Variants in IL1RAPL2 observed in about 807,000 individuals in gnomAD.
The protein encoded by IL1RAPL2 is X-linked interleukin-1 receptor accessory protein-like 2.
Under a neutral mutation model 44.1 loss-of-function variants are expected in IL1RAPL2, and 3 were observed. The ratio of observed to expected loss-of-function variants is 0.07; its 90% CI spans 0.03 to 0.18. The LOEUF is 0.18. IL1RAPL2 is among the 10% of genes least tolerant of loss of function. IL1RAPL2 has a pLI of 1.00. For synonymous variants in IL1RAPL2, 181 were observed against 178.8 expected, an observed-to-expected ratio of 1.01 and a Z score of -0.10; for missense variants, 391 against 496.4, an observed-to-expected ratio of 0.79 and a Z score of 2.02.
chrX:105,161,237 A>AATC (rs2033321916), intron 2 of IL1RAPL2, among the ~76,000 whole-genome samples: 1 of 109,048 alleles, frequency 9.2e-6, no homozygotes, highest in East Asian at 2.9e-4. Flanking sequence ...TAATAATAAT[A>AATC]ATAATAATTG....
At chrX:105,579,769 A>G (rs1320686593) in intron 6 of IL1RAPL2, among the ~76,000 whole-genome samples, 1 of 111,914 alleles carries the variant, frequency 8.9e-6, no homozygotes, top group African/African-American at 3.2e-5. Context: ...TTCTGGCTCT[A>G]TATAATACCA....
intron 2 of IL1RAPL2, among the ~76,000 whole-genome samples, chrX:105,026,792 C>A (rs1217228987): frequency 9.1e-6 from 1 of 109,795 alleles, no homozygotes; most frequent in Non-Finnish European, 1.9e-5. Flanking sequence ...TAAATGCAAC[C>A]CCTATAAAAA....
intron 2 of IL1RAPL2, among the ~76,000 whole-genome samples, chrX:104,757,137 CAGTT>C (rs917461736): frequency 9.0e-6 from 1 of 111,558 alleles, no homozygotes; most frequent in African/African-American, 3.3e-5. Context: ...GCAGAGAGAA[CAGTT>C]AGGAGGCTAC....
intron 5 of IL1RAPL2, among the ~76,000 whole-genome samples, chrX:105,363,109 T>C (rs2147712585): frequency 9.4e-6 from 1 of 106,877 alleles, no homozygotes; most frequent in East Asian, 2.9e-4. Flanking sequence ...AGTGAGGGCA[T>C]GCAGTATTTG....
At chrX:104,910,631 C>A (rs1189371173) in intron 2 of IL1RAPL2, among the ~76,000 whole-genome samples, 1 of 111,538 alleles carries the variant, frequency 9.0e-6, no homozygotes, top group Non-Finnish European at 1.9e-5. Context: ...ATGGTCAGTA[C>A]AGCAAACTTG....
At chrX:104,922,130 C>CT (rs1156562266) in intron 2 of IL1RAPL2, among the ~76,000 whole-genome samples, 1 of 112,207 alleles carries the variant, frequency 8.9e-6, no homozygotes, top group African/African-American at 3.2e-5. Context: ...CTCCAGCCAC[C>CT]TTGGTGGTAG....
chrX:104,907,166 T>C (rs1274484179), intron 2 of IL1RAPL2, among the ~76,000 whole-genome samples: 1 of 111,767 alleles, frequency 8.9e-6, no homozygotes, highest in African/African-American at 3.3e-5. Flanking sequence ...TATCATTTTT[T>C]ATTGCATCTA....
chrX:105,656,712 C>T (rs2037680011), intron 6 of IL1RAPL2, among the ~76,000 whole-genome samples: 1 of 111,541 alleles, frequency 9.0e-6, no homozygotes. Context: ...ATCTTTTGCT[C>T]GAGAGGTCTT....
chrX:105,665,216 T>A (rs2037750200), intron 6 of IL1RAPL2, among the ~76,000 whole-genome samples: 1 of 111,462 alleles, frequency 9.0e-6, no homozygotes, highest in South Asian at 3.8e-4. Context: ...CCAACTGTAG[T>A]TGATAATCAG....
chrX:104,676,805 ATTC>A (rs2147535984), intron 2 of IL1RAPL2, among the ~76,000 whole-genome samples: 1 of 111,107 alleles, frequency 9.0e-6, no homozygotes, highest in African/African-American at 3.3e-5. Flanking sequence ...ATTTCTTTTT[ATTC>A]TTTTTTCTCT....
intron 5 of IL1RAPL2, among the ~76,000 whole-genome samples, chrX:105,362,539 C>T (rs1398099378): frequency 9.0e-6 from 1 of 110,666 alleles, no homozygotes; most frequent in Non-Finnish European, 1.9e-5. Context: ...CCAAAGACTA[C>T]AGGTTCTATC....
chrX:104,704,170 G>T (rs1467679790), intron 2 of IL1RAPL2, among the ~76,000 whole-genome samples: 1 of 111,803 alleles, frequency 8.9e-6, no homozygotes, highest in Non-Finnish European at 1.9e-5. Flanking sequence ...TGTTTTCTCT[G>T]TTATATTTTC....
chrX:104,999,280 A>T (rs1042632582), intron 2 of IL1RAPL2, among the ~76,000 whole-genome samples: 1 of 111,711 alleles, frequency 9.0e-6, no homozygotes, highest in East Asian at 2.9e-4. Context: ...TACTATGTGT[A>T]CGTGGAGTGG....
chrX:105,594,600 A>G (rs751697525), intron 6 of IL1RAPL2, among the ~76,000 whole-genome samples: 61 of 111,672 alleles, frequency 5.5e-4, no homozygotes, highest in Non-Finnish European at 7.9e-4. Flanking sequence ...ATTCCTATAA[A>G]TGAAATATAG....
At chrX:105,179,753 T>C (rs1556129507) in intron 2 of IL1RAPL2, among the ~76,000 whole-genome samples, 2 of 107,697 alleles carry the variant, frequency 1.9e-5, no homozygotes, top group Non-Finnish European at 1.9e-5. Flanking sequence ...TTTGTAAATA[T>C]AGTGAGTGGG....
At chrX:105,273,823 T>A (rs1370939590) in intron 5 of IL1RAPL2, among the ~76,000 whole-genome samples, 1 of 111,782 alleles carries the variant, frequency 8.9e-6, no homozygotes, top group Non-Finnish European at 1.9e-5. Context: ...GTGAGTTGAT[T>A]TTTCAGCAAA....
intron 2 of IL1RAPL2, among the ~76,000 whole-genome samples, chrX:105,040,468 C>T (rs1232544658): frequency 9.0e-6 from 1 of 111,395 alleles, no homozygotes; most frequent in Non-Finnish European, 1.9e-5. Flanking sequence ...ACCAGTTCCT[C>T]CTTGTATCTC....
At chrX:104,969,115 T>C (rs747637171) in intron 2 of IL1RAPL2, among the ~76,000 whole-genome samples, 2 of 109,871 alleles carry the variant, frequency 1.8e-5, no homozygotes, top group African/African-American at 3.3e-5. Context: ...ACATGGCTTA[T>C]CAGCTATCAA....
chrX:105,257,705 A>G (rs1019007945), intron 4 of IL1RAPL2, among the ~76,000 whole-genome samples: 2 of 111,906 alleles, frequency 1.8e-5, no homozygotes, highest in Non-Finnish European at 3.8e-5. Context: ...CTATATTTTA[A>G]TCTTTGTTGG....
Sources: gnomAD v4.1 joint callset for allele counts (sites outside exome capture counted in the v4.1 genomes callset) on GRCh38, gnomAD v4.1.1 for gene constraint, MANE v1.5 for transcripts, NCBI Gene and HGNC (gene_info 2026-07-23, HGNC 2026-07-21) for gene names.